KIF16B: variants seen among roughly 807,000 people sequenced by gnomAD.
The protein encoded by KIF16B is kinesin-like protein KIF16B.
A neutral mutation model predicts 156.3 loss-of-function variants in KIF16B; 98 were observed. That is an observed-to-expected ratio of 0.63 (90% CI 0.53 to 0.74). The LOEUF (loss-of-function observed/expected upper bound fraction) is 0.74, where lower values mean the gene tolerates loss of function less well. Ranked by LOEUF, KIF16B falls within the 30% of genes least tolerant of loss-of-function variation. The pLI, the probability that KIF16B is intolerant of heterozygous loss-of-function variation, is 0.00. For synonymous variants in KIF16B, 564 were observed against 583.7 expected (o/e 0.97, Z 0.49); for missense variants, 1,421 against 1,606.5 (o/e 0.88, Z 1.97).
intron 19 of KIF16B, among the ~76,000 whole-genome samples, chr20:16,376,272 G>GTTACC (rs2064948854): frequency 6.6e-6 from 1 of 152,150 alleles, no homozygotes; most frequent in African/African-American, 2.4e-5. Flanking sequence ...TTCTAGTTGG[G>GTTACC]TTACCTGATC....
At chr20:16,375,409 C>A (rs2064923365) in intron 19 of KIF16B, among the ~76,000 whole-genome samples, 1 of 152,204 alleles carries the variant, frequency 6.6e-6, no homozygotes, top group African/African-American at 2.4e-5. Flanking sequence ...AGCAATTTGA[C>A]TGCTCTATCT....
At chr20:16,534,188 GA>G (rs959280270) in intron 1 of KIF16B, among the ~76,000 whole-genome samples, 2 of 152,096 alleles carry the variant, frequency 1.3e-5, no homozygotes. Context: ...CCGGGGGACA[GA>G]GGTTGCAGTG....
intron 1 of KIF16B, among the ~76,000 whole-genome samples, chr20:16,537,703 C>CTTTTTTTT (rs1568659703): frequency 8.2e-6 from 1 of 121,742 alleles, no homozygotes; most frequent in Non-Finnish European, 1.7e-5. Flanking sequence ...TTCTTTTTTT[C>CTTTTTTTT]GTTTTTTTTT....
At chr20:16,551,058 G>T (rs753817075) in intron 1 of KIF16B, among the ~76,000 whole-genome samples, 8 of 151,792 alleles carry the variant, frequency 5.3e-5, no homozygotes, top group Non-Finnish European at 1.2e-4. Context: ...GAGCACATTA[G>T]GTTTGACTGT....
At chr20:16,449,831 T>C (rs1386866203) in intron 12 of KIF16B, among the ~76,000 whole-genome samples, 1 of 152,196 alleles carries the variant, frequency 6.6e-6, no homozygotes, top group African/African-American at 2.4e-5. Flanking sequence ...TGACATGACT[T>C]GCTTCAACAA....
At chr20:16,457,782 G>A (rs576307119) in intron 12 of KIF16B, among the ~76,000 whole-genome samples, 3 of 152,022 alleles carry the variant, frequency 2.0e-5, no homozygotes, top group Admixed American at 6.6e-5. Flanking sequence ...ACATCCACAA[G>A]GACTTGAAAC....
chr20:16,457,851 G>C (rs928385220), intron 12 of KIF16B, among the ~76,000 whole-genome samples: 2 of 151,312 alleles, frequency 1.3e-5, no homozygotes, highest in Non-Finnish European at 2.9e-5. Flanking sequence ...ACTGGTCCAA[G>C]ATCACAGAAA....
chr20:16,414,819 T>G (rs943244108), intron 15 of KIF16B, among the ~76,000 whole-genome samples: 1 of 152,142 alleles, frequency 6.6e-6, no homozygotes, highest in Non-Finnish European at 1.5e-5. Context: ...ATCCCCAACT[T>G]AAGACGGTTC....
chr20:16,514,582 GA>G (rs540602451), intron 4 of KIF16B, among the ~76,000 whole-genome samples: 972 of 76,874 alleles, frequency 0.013, 6 homozygotes, highest in African/African-American at 0.04. Flanking sequence ...TAAGAAATAA[GA>G]AAAAAAAAAA....
intron 4 of KIF16B, among the ~76,000 whole-genome samples, chr20:16,515,114 T>A (rs1400482967): frequency 1.3e-5 from 2 of 152,020 alleles, no homozygotes; most frequent in African/African-American, 4.8e-5. Context: ...TTTTAATGTA[T>A]TTTCAGGATT....
intron 12 of KIF16B, among the ~76,000 whole-genome samples, chr20:16,450,164 C>A (rs1438459220): frequency 6.6e-6 from 1 of 152,072 alleles, no homozygotes; most frequent in African/African-American, 2.4e-5. Context: ...GGTCAAAAAT[C>A]CAATTTTATA....
chr20:16,351,505 T>C (rs780210456), intron 23 of KIF16B, among the ~76,000 whole-genome samples: 8 of 152,254 alleles, frequency 5.3e-5, no homozygotes, highest in Non-Finnish European at 1.0e-4. Flanking sequence ...ATCCGGTTAA[T>C]GGCATTACTT....
intron 24 of KIF16B, among the ~76,000 whole-genome samples, chr20:16,312,972 T>G (rs1181800586): frequency 6.6e-6 from 1 of 152,188 alleles, no homozygotes; most frequent in Admixed American, 6.5e-5. Context: ...TCTTTCCATC[T>G]TTTCACCTTG....
At chr20:16,403,201 T>C (rs2065698574) in intron 17 of KIF16B, among the ~76,000 whole-genome samples, 1 of 152,200 alleles carries the variant, frequency 6.6e-6, no homozygotes, top group Non-Finnish European at 1.5e-5. Context: ...AAGCCAGCAC[T>C]CTTCATATCA....
At chr20:16,560,471 A>G (rs560896518) in intron 1 of KIF16B, among the ~76,000 whole-genome samples, 1 of 152,356 alleles carries the variant, frequency 6.6e-6, no homozygotes, top group East Asian at 1.9e-4. Flanking sequence ...AGTTCCTGAG[A>G]GCAGGCATCC....
chr20:16,459,068 T>C (rs1274623214), intron 12 of KIF16B, among the ~76,000 whole-genome samples: 1 of 130,070 alleles, frequency 7.7e-6, no homozygotes, highest in Non-Finnish European at 1.6e-5. Context: ...TTAATGCTTA[T>C]GTTATAATTT....
At position 16,505,716 on chromosome 20, in the gene KIF16B, T is replaced by G; in HGVS notation, c.1000+6A>C. ...TATGCTCAGAAAAGTAACTTAAAAC[T>G]CTTACTGGCAATCATGATAGTTTTA... On this transcript the variant is annotated splice_donor_region_variant and intron_variant, in intron 9 of 25. Coordinates refer to ENST00000354981, the MANE Select transcript of KIF16B (RefSeq NM_024704.5). 6.2e-7 allele frequency: 1 copy of G among 1,611,046 alleles called. No individual in the cohort carries two copies. Among genetic ancestry groups the G allele is most frequent in the East Asian group, 2.2e-5 (1 of 44,830 alleles).
Position 16,505,810 on chromosome 20 carries a change from C to T in KIF16B, c.912G>A (p.Lys304=), listed in dbSNP as rs1454595167. 1 of 1,613,986 alleles carries T rather than the reference C, an allele frequency of 6.2e-7. No individual in the cohort carries two copies. Among genetic ancestry groups the T allele is most frequent in the South Asian group, 1.1e-5 (1 of 91,070 alleles). ...AATCCCTGTAAGGCACGAAAACTTG[C>T]TTCTTCTTTGCAAGAGTATTTGCAG... The part of the protein sequence containing the change: ...QDAANTLAKK[K]QVFVPYRDSV... The change falls in exon 9 of 26, where the codon AAG becomes AAA. Residue 304 remains lysine, a synonymous_variant. Coordinates refer to ENST00000354981, the MANE Select transcript of KIF16B (RefSeq NM_024704.5).
intron 12 of KIF16B, among the ~76,000 whole-genome samples, chr20:16,454,836 A>ATAG (rs1322761640): frequency 6.6e-6 from 1 of 152,182 alleles, no homozygotes. Context: ...CTTAGAAGCA[A>ATAG]TAGTACCCCA....
Sources: allele counts gnomAD v4.1 joint callset (sites outside exome capture counted in the v4.1 genomes callset), GRCh38; gene constraint gnomAD v4.1.1; transcripts MANE v1.5; gene names NCBI Gene and HGNC (gene_info 2026-07-23, HGNC 2026-07-21).